The following PRELID2 variants were observed in gnomAD, a reference collection of about 807,000 sequenced individuals.
PRELID2 encodes the protein PRELI domain-containing protein 2.
PRELID2 carries 25 observed loss-of-function variants against 28.4 expected under a neutral mutation model. That is an observed-to-expected ratio of 0.88 (90% CI 0.64 to 1.23). PRELID2 has a LOEUF of 1.23. Ranked by LOEUF, PRELID2 falls within the 50% of genes most tolerant of loss-of-function variation. PRELID2 has a pLI of 0.00. For missense variants in PRELID2, 201 were observed against 214.4 expected, an observed-to-expected ratio of 0.94 and a Z score of 0.39; for synonymous variants, 76 against 71.6, an observed-to-expected ratio of 1.06 and a Z score of -0.31.
chr5:145,752,353 T>G (rs1239920813), downstream of PRELID2, among the ~76,000 whole-genome samples: 1 of 152,214 alleles, frequency 6.6e-6, no homozygotes, highest in Non-Finnish European at 1.5e-5. Flanking sequence ...ATAGCTCCAA[T>G]AGTAATCTGA....
chr5:145,257,617 A>T, the PRELID2 span, among the ~76,000 whole-genome samples: 2 of 152,180 alleles, frequency 1.3e-5, no homozygotes, highest in Admixed American at 6.6e-5. Context: ...AAGAATATAG[A>T]ATGTTTGAGA....
At chr5:145,512,556 A>G (rs1472962353) in intron 1 of PRELID2, among the ~76,000 whole-genome samples, 1 of 152,200 alleles carries the variant, frequency 6.6e-6, no homozygotes, top group African/African-American at 2.4e-5. Context: ...GAGGAGGTGC[A>G]GCTTCAGCAG....
At chr5:145,306,650 A>C in the PRELID2 span, among the ~76,000 whole-genome samples, 1 of 152,058 alleles carries the variant, frequency 6.6e-6, no homozygotes, top group South Asian at 2.1e-4. Context: ...AATCTTTTAC[A>C]GTACTATTAT....
chr5:145,751,339 G>T (rs1341245950), intron 1 of PRELID2, among the ~76,000 whole-genome samples: 1 of 152,202 alleles, frequency 6.6e-6, no homozygotes, highest in Non-Finnish European at 1.5e-5. Context: ...TCCAGTGATT[G>T]GGGGTGGCCT....
At chr5:145,404,743 C>T in the PRELID2 span, among the ~76,000 whole-genome samples, 7 of 152,244 alleles carry the variant, frequency 4.6e-5, no homozygotes, top group South Asian at 2.1e-4. Context: ...AAGAGTCACA[C>T]AAATTGTGGT....
the PRELID2 span, among the ~76,000 whole-genome samples, chr5:145,235,716 T>A: frequency 6.6e-6 from 1 of 152,132 alleles, no homozygotes; most frequent in Non-Finnish European, 1.5e-5. Flanking sequence ...AATGCCACAC[T>A]TATGTGTGTA....
intron 4 of PRELID2, among the ~76,000 whole-genome samples, chr5:145,799,613 C>A (rs779432694): frequency 9.9e-5 from 15 of 152,092 alleles, no homozygotes; most frequent in Non-Finnish European, 1.9e-4. Flanking sequence ...GTCTGAGGAG[C>A]CACAAGTTAT....
chr5:145,651,802 GA>G (rs1219323593), intron 1 of PRELID2, among the ~76,000 whole-genome samples: 2 of 152,152 alleles, frequency 1.3e-5, no homozygotes, highest in Non-Finnish European at 2.9e-5. Flanking sequence ...CAAAGATGGG[GA>G]AAAAACAGAG....
At chr5:145,515,649 A>G (rs919504873) in intron 1 of PRELID2, among the ~76,000 whole-genome samples, 6 of 152,236 alleles carry the variant, frequency 3.9e-5, no homozygotes, top group Non-Finnish European at 8.8e-5. Flanking sequence ...TTATGAGGCC[A>G]GCATCATCCT....
chr5:145,423,661 C>T, the PRELID2 span, among the ~76,000 whole-genome samples: 1 of 123,110 alleles, frequency 8.1e-6, no homozygotes, highest in Non-Finnish European at 1.7e-5. Context: ...AAGTTTTCAA[C>T]TTCTTTGCCT....
At position 145,633,487 on chromosome 5, in the gene PRELID2, G is replaced by T. The variant is rs147152691; in HGVS notation, n.70+131444C>A. Among the ~76,000 whole-genome samples the T allele has an allele frequency of 2.8e-4, 42 of 152,234 alleles. No homozygotes were observed. In the East Asian group the frequency reaches 6.8e-3, roughly 25 times the overall value. ...CTCGTCAACCACAGCAAAGGCAAAT[G>T]GCCAGCAACAGAGAGAATAAGCTAC... is the stretch of plus-strand genomic sequence containing the variant. On this transcript the variant is annotated intron_variant and non_coding_transcript_variant, in intron 1 of 2. Coordinates refer to the PRELID2 transcript ENST00000510259.
chr5:145,554,115 G>T (rs1194347204), intron 1 of PRELID2, among the ~76,000 whole-genome samples: 1 of 152,220 alleles, frequency 6.6e-6, no homozygotes. Flanking sequence ...TTGGAAAAAT[G>T]AGTTCAAGAG....
chr5:145,703,720 T>C (rs189236979), intron 1 of PRELID2, among the ~76,000 whole-genome samples: 259 of 152,208 alleles, frequency 1.7e-3, no homozygotes, highest in African/African-American at 6.1e-3. Context: ...GTTCAAGATA[T>C]AGTTAGAGGG....
the PRELID2 span, among the ~76,000 whole-genome samples, chr5:145,316,254 T>C: frequency 6.6e-6 from 1 of 152,218 alleles, no homozygotes; most frequent in Non-Finnish European, 1.5e-5. Flanking sequence ...TAAAATGTTT[T>C]GTAACAGTTA....
intron 1 of PRELID2, among the ~76,000 whole-genome samples, chr5:145,559,764 G>T (rs1212683155): frequency 6.7e-6 from 1 of 150,264 alleles, no homozygotes; most frequent in African/African-American, 2.5e-5. Context: ...AAACCAAGCA[G>T]TCAATGTGGA....
intron 1 of PRELID2, among the ~76,000 whole-genome samples, chr5:145,520,621 G>A (rs553942632): frequency 9.2e-5 from 14 of 152,224 alleles, no homozygotes; most frequent in East Asian, 1.9e-4. Context: ...CACCTGGCAC[G>A]GGGCTGATTC....
intron 1 of PRELID2, among the ~76,000 whole-genome samples, chr5:145,824,799 T>A (rs1254310894): frequency 2.0e-5 from 3 of 152,194 alleles, no homozygotes; most frequent in African/African-American, 7.2e-5. Context: ...TATCTCTTCA[T>A]GTTTCATGTT....
At chr5:145,549,712 A>G (rs922952493) in intron 1 of PRELID2, among the ~76,000 whole-genome samples, 1 of 151,882 alleles carries the variant, frequency 6.6e-6, no homozygotes, top group African/African-American at 2.4e-5. Context: ...GGAGAATGGC[A>G]TGAACCCAGG....
chr5:145,693,238 C>A (rs1032190459), intron 1 of PRELID2, among the ~76,000 whole-genome samples: 1 of 151,054 alleles, frequency 6.6e-6, no homozygotes, highest in Non-Finnish European at 1.5e-5. Context: ...ACCTCTGCCT[C>A]CTGGGCTTAA....
Sources: gnomAD v4.1 joint callset for allele counts (sites outside exome capture counted in the v4.1 genomes callset) on GRCh38, gnomAD v4.1.1 for gene constraint, MANE v1.5 for transcripts, NCBI Gene and HGNC (gene_info 2026-07-23, HGNC 2026-07-21) for gene names.